Variants in LINGO2 observed in about 807,000 individuals in gnomAD.
LINGO2 encodes the protein leucine rich repeat and Ig domain containing 2, also known as leucine-rich repeat and immunoglobulin-like domain-containing nogo receptor-interacting protein 2.
LINGO2 carries 14 observed loss-of-function variants against 30.6 expected under a neutral mutation model. That is an observed-to-expected ratio of 0.46 (90% CI 0.30 to 0.72). LINGO2 has a LOEUF of 0.72. Ranked by LOEUF, LINGO2 falls within the 30% of genes least tolerant of loss-of-function variation. The probability of loss-of-function intolerance (pLI) is 0.07; values close to 1 mark genes in which losing one functional copy is unlikely to be tolerated. For synonymous variants in LINGO2, 317 were observed against 288.5 expected, an observed-to-expected ratio of 1.10 and a Z score of -1.00; for missense variants, 729 against 751.7, an observed-to-expected ratio of 0.97 and a Z score of 0.35.
chr9:28,206,179 A>C (rs1280588255), intron 4 of LINGO2, among the ~76,000 whole-genome samples: 1 of 150,982 alleles, frequency 6.6e-6, no homozygotes, highest in Admixed American at 6.6e-5. Flanking sequence ...AAAAAAAAAA[A>C]AAAAAAAAAA....
intron 3 of LINGO2, among the ~76,000 whole-genome samples, chr9:28,319,254 C>T (rs1284171292): frequency 6.6e-6 from 1 of 152,088 alleles, no homozygotes; most frequent in Non-Finnish European, 1.5e-5. Context: ...GACTTGTGGC[C>T]CCTCTCCTCC....
intron 1 of LINGO2, among the ~76,000 whole-genome samples, chr9:28,632,880 GT>G (rs1411448860): frequency 0.094 from 6,044 of 64,518 alleles, 251 homozygotes; most frequent in East Asian, 0.17. Flanking sequence ...ATATATATAT[GT>G]AGAGAGAGAG....
the LINGO2 span, among the ~76,000 whole-genome samples, chr9:28,970,082 G>A: frequency 6.6e-6 from 1 of 152,038 alleles, no homozygotes. Context: ...GGATAGGAAG[G>A]GGAAGAAAGG....
At chr9:28,974,068 C>A in the LINGO2 span, among the ~76,000 whole-genome samples, 4 of 152,116 alleles carry the variant, frequency 2.6e-5, no homozygotes, top group Non-Finnish European at 5.9e-5. Context: ...TGAACCAATT[C>A]AAAATAGTAA....
chr9:29,210,675 G>T, the LINGO2 span, among the ~76,000 whole-genome samples: 1 of 152,058 alleles, frequency 6.6e-6, no homozygotes, highest in East Asian at 1.9e-4. Flanking sequence ...AAATTGTCCT[G>T]CTTCCATTCC....
At chr9:28,157,486 G>C (rs1227986977) in intron 4 of LINGO2, among the ~76,000 whole-genome samples, 1 of 152,188 alleles carries the variant, frequency 6.6e-6, no homozygotes, top group Non-Finnish European at 1.5e-5. Flanking sequence ...TGCCATGAAG[G>C]CCTCTGACGT....
At chr9:28,649,937 G>A (rs1828015503) in intron 1 of LINGO2, among the ~76,000 whole-genome samples, 1 of 151,872 alleles carries the variant, frequency 6.6e-6, no homozygotes, top group Admixed American at 6.6e-5. Flanking sequence ...ACAGAGTTTG[G>A]TCAGTATGAA....
intron 4 of LINGO2, among the ~76,000 whole-genome samples, chr9:28,236,533 C>A (rs568236937): frequency 6.6e-6 from 1 of 152,070 alleles, no homozygotes; most frequent in Non-Finnish European, 1.5e-5. Flanking sequence ...GAGACATAGA[C>A]AGTACATATT....
At chr9:28,520,490 T>C (rs1452337389) in intron 1 of LINGO2, among the ~76,000 whole-genome samples, 1 of 152,154 alleles carries the variant, frequency 6.6e-6, no homozygotes, top group African/African-American at 2.4e-5. Flanking sequence ...CCTTATTGTC[T>C]TTGCTTTTCT....
chr9:29,052,237 A>C, the LINGO2 span, among the ~76,000 whole-genome samples: 1 of 152,174 alleles, frequency 6.6e-6, no homozygotes, highest in Non-Finnish European at 1.5e-5. Flanking sequence ...ATTCTTTTCA[A>C]TACTGACCTT....
chr9:29,124,225 T>C, the LINGO2 span, among the ~76,000 whole-genome samples: 1 of 152,182 alleles, frequency 6.6e-6, no homozygotes, highest in Non-Finnish European at 1.5e-5. Flanking sequence ...AAACTGAAAC[T>C]GGACCCCTTC....
intron 3 of LINGO2, among the ~76,000 whole-genome samples, chr9:28,370,155 T>C (rs1820837991): frequency 6.6e-6 from 1 of 152,280 alleles, no homozygotes; most frequent in Admixed American, 6.5e-5. Flanking sequence ...AAAAACTGAG[T>C]CTACTTATTC....
At chr9:27,994,989 T>C (rs1821586165) in intron 5 of LINGO2, among the ~76,000 whole-genome samples, 1 of 152,184 alleles carries the variant, frequency 6.6e-6, no homozygotes, top group Non-Finnish European at 1.5e-5. Context: ...GGCAGAATAC[T>C]TTCTCTAAGT....
intron 3 of LINGO2, among the ~76,000 whole-genome samples, chr9:28,302,690 C>A (rs544120263): frequency 6.6e-6 from 1 of 152,060 alleles, no homozygotes; most frequent in Non-Finnish European, 1.5e-5. Flanking sequence ...TATTATAACC[C>A]CTTTCAGCAG....
the LINGO2 span, among the ~76,000 whole-genome samples, chr9:28,906,186 GA>G: frequency 6.6e-6 from 1 of 151,974 alleles, no homozygotes; most frequent in South Asian, 2.1e-4. Flanking sequence ...CAAAGAATAT[GA>G]AAGTTCATTT....
chr9:28,647,941 C>G (rs995972706), intron 1 of LINGO2, among the ~76,000 whole-genome samples: 1 of 147,634 alleles, frequency 6.8e-6, no homozygotes, highest in Admixed American at 6.8e-5. Flanking sequence ...GTTAATCAAC[C>G]CTAGCAAAGT....
At chr9:28,271,597 C>G (rs1308012000) in intron 4 of LINGO2, among the ~76,000 whole-genome samples, 3 of 152,144 alleles carry the variant, frequency 2.0e-5, no homozygotes, top group Non-Finnish European at 4.4e-5. Context: ...ATTTTCAAAT[C>G]TGAATTGGAA....
At chr9:28,373,196 A>T (rs1820971950) in intron 2 of LINGO2, among the ~76,000 whole-genome samples, 1 of 152,214 alleles carries the variant, frequency 6.6e-6, no homozygotes, top group African/African-American at 2.4e-5. Context: ...AGAAAAAATT[A>T]TATAGGCAGC....
chr9:29,090,824 G>C, the LINGO2 span, among the ~76,000 whole-genome samples: 1 of 151,826 alleles, frequency 6.6e-6, no homozygotes, highest in South Asian at 2.1e-4. Context: ...TTATATATTT[G>C]CTAAGTAGGA....
Sources: gnomAD v4.1 joint callset for allele counts (sites outside exome capture counted in the v4.1 genomes callset) on GRCh38, gnomAD v4.1.1 for gene constraint, MANE v1.5 for transcripts, NCBI Gene and HGNC (gene_info 2026-07-23, HGNC 2026-07-21) for gene names.